DLG2: variants seen among roughly 807,000 people sequenced by gnomAD.
DLG2 encodes discs large MAGUK scaffold protein 2.
A neutral mutation model predicts 132.5 loss-of-function variants in DLG2; 45 were observed. That is an observed-to-expected ratio of 0.34 (90% CI 0.27 to 0.44). The LOEUF is 0.44. Ranked by LOEUF, DLG2 falls within the 20% of genes least tolerant of loss-of-function variation. The probability of loss-of-function intolerance (pLI) is 1.00; values close to 1 mark genes in which losing one functional copy is unlikely to be tolerated. For missense variants in DLG2, 1,045 were observed against 1,196.9 expected (o/e 0.87, Z 1.87); for synonymous variants, 424 against 419.6 (o/e 1.01, Z -0.13).
At chr11:83,591,140 A>G (rs2097180562) in intron 19 of DLG2, among the ~76,000 whole-genome samples, 1 of 150,456 alleles carries the variant, frequency 6.6e-6, no homozygotes, top group Non-Finnish European at 1.5e-5. Flanking sequence ...AACTCATTTT[A>G]TGAGGCCAGC....
At chr11:85,520,793 G>A (rs1409773043) in intron 3 of DLG2, among the ~76,000 whole-genome samples, 2 of 152,096 alleles carry the variant, frequency 1.3e-5, no homozygotes, top group African/African-American at 4.8e-5. Flanking sequence ...AGGGTGCTGG[G>A]AAAGCTGGAT....
intron 6 of DLG2, among the ~76,000 whole-genome samples, chr11:84,578,063 G>A (rs112365667): frequency 5.3e-5 from 8 of 152,352 alleles, no homozygotes; most frequent in African/African-American, 1.9e-4. Context: ...TGTTGAGCCT[G>A]TGGGTGCACA....
intron 9 of DLG2, among the ~76,000 whole-genome samples, chr11:84,161,107 A>C (rs2095536689): frequency 6.6e-6 from 1 of 152,210 alleles, no homozygotes. Flanking sequence ...AGCCATATCC[A>C]GTTGCTGAGG....
At chr11:83,703,952 T>G (rs2153648618) in intron 18 of DLG2, among the ~76,000 whole-genome samples, 1 of 152,276 alleles carries the variant, frequency 6.6e-6, no homozygotes, top group Admixed American at 6.5e-5. Context: ...CATGAAGAAG[T>G]GCCCACAAAA....
chr11:84,028,315 T>C (rs2095597741), intron 11 of DLG2, among the ~76,000 whole-genome samples: 1 of 152,070 alleles, frequency 6.6e-6, no homozygotes, highest in South Asian at 2.1e-4. Context: ...TTAATAATCC[T>C]CTCAAAGTTA....
At chr11:85,366,310 C>G (rs2084548160) in intron 3 of DLG2, among the ~76,000 whole-genome samples, 1 of 152,140 alleles carries the variant, frequency 6.6e-6, no homozygotes, top group Non-Finnish European at 1.5e-5. Flanking sequence ...TTTCATCCCA[C>G]TCCTCTTCCC....
At chr11:83,966,603 A>G (rs1034824543) in intron 12 of DLG2, among the ~76,000 whole-genome samples, 3 of 152,034 alleles carry the variant, frequency 2.0e-5, no homozygotes, top group Admixed American at 1.3e-4. Flanking sequence ...GGTTATCCGT[A>G]TCTGGCTACT....
At chr11:85,106,120 A>T (rs2071710131) in intron 6 of DLG2, among the ~76,000 whole-genome samples, 1 of 152,140 alleles carries the variant, frequency 6.6e-6, no homozygotes, top group Non-Finnish European at 1.5e-5. Context: ...ATGCTGGAAC[A>T]ATTAACACTT....
chr11:83,757,698 G>A (rs1011772314), intron 18 of DLG2, among the ~76,000 whole-genome samples: 4 of 152,122 alleles, frequency 2.6e-5, no homozygotes, highest in Non-Finnish European at 5.9e-5. Context: ...ATGAAGGGGG[G>A]TTTAGGGCTT....
At chr11:83,849,589 G>A (rs890417191) in intron 16 of DLG2, among the ~76,000 whole-genome samples, 1 of 151,798 alleles carries the variant, frequency 6.6e-6, no homozygotes, top group African/African-American at 2.4e-5. Flanking sequence ...TTCTAGATGG[G>A]GGTCTATGGA....
intron 9 of DLG2, 113 bp from the exon 10 acceptor site, chr11:84,099,160 C>G: frequency 1.1e-6 from 1 of 935,664 alleles, no homozygotes; most frequent in African/African-American, 1.6e-5. Flanking sequence ...TGACAACAGT[C>G]TTGTATGCTA....
At chr11:84,893,102 T>C (rs2089663826) in intron 6 of DLG2, among the ~76,000 whole-genome samples, 1 of 152,170 alleles carries the variant, frequency 6.6e-6, no homozygotes, top group Admixed American at 6.6e-5. Flanking sequence ...GCGCTTAGCA[T>C]ATTACTTGCC....
chr11:84,710,215 GT>G, intron 6 of DLG2, among the ~76,000 whole-genome samples: 1 of 152,028 alleles, frequency 6.6e-6, no homozygotes, highest in East Asian at 1.9e-4. Context: ...TTTGTGAGTT[GT>G]TTTTCCCATG....
At chr11:85,376,423 G>A (rs867846613) in intron 3 of DLG2, among the ~76,000 whole-genome samples, 6 of 152,172 alleles carry the variant, frequency 3.9e-5, no homozygotes, top group South Asian at 2.1e-4. Context: ...CCTACTCATG[G>A]TCTTACAACT....
chr11:83,536,782 AC>A (rs2095888856), intron 20 of DLG2, among the ~76,000 whole-genome samples: 1 of 152,188 alleles, frequency 6.6e-6, no homozygotes, highest in Non-Finnish European at 1.5e-5. Context: ...CTAGTTCTTT[AC>A]CTAATTGTGA....
chr11:84,108,749 T>C (rs1046216640), intron 9 of DLG2, among the ~76,000 whole-genome samples: 1 of 149,630 alleles, frequency 6.7e-6, no homozygotes, highest in East Asian at 2.0e-4. Flanking sequence ...TACTTTTTAT[T>C]GTGTACAAAC....
intron 6 of DLG2, among the ~76,000 whole-genome samples, chr11:84,996,308 C>G (rs2154128185): frequency 1.3e-5 from 2 of 152,164 alleles, no homozygotes; most frequent in South Asian, 4.1e-4. Flanking sequence ...GATTTTTCCT[C>G]TTTTTTCCTC....
intron 5 of DLG2, among the ~76,000 whole-genome samples, chr11:85,119,128 A>T (rs2074009161): frequency 6.6e-6 from 1 of 151,978 alleles, no homozygotes; most frequent in Admixed American, 6.6e-5. Context: ...CGCTTAGCAA[A>T]TGTCAAGAAC....
At chr11:83,701,552 GC>G (rs1397277811) in intron 18 of DLG2, among the ~76,000 whole-genome samples, 12 of 152,156 alleles carry the variant, frequency 7.9e-5, no homozygotes, top group Non-Finnish European at 1.2e-4. Context: ...AAAGCTCTCA[GC>G]CCATTAAGGG....
Sources: allele counts gnomAD v4.1 joint callset (sites outside exome capture counted in the v4.1 genomes callset), GRCh38; gene constraint gnomAD v4.1.1; transcripts MANE v1.5; gene names NCBI Gene and HGNC (gene_info 2026-07-23, HGNC 2026-07-21).